Variants in STT3B observed in about 807,000 individuals in gnomAD.
The protein encoded by STT3B is STT3 oligosaccharyltransferase complex catalytic subunit B.
STT3B carries 29 observed loss-of-function variants against 96.8 expected under a neutral mutation model. The observed-to-expected ratio is 0.30, with a 90% CI of 0.22 to 0.41. STT3B has a LOEUF of 0.41. Among genes scored for constraint, STT3B ranks in the 10% least tolerant of loss-of-function variants. The pLI is 1.00. For synonymous variants in STT3B, 367 were observed against 360.0 expected, an observed-to-expected ratio of 1.02 and a Z score of -0.22; for missense variants, 640 against 1,022.3, an observed-to-expected ratio of 0.63 and a Z score of 5.10.
chr3:31,572,037 T>TTAATATATCATATATTAATATATTA (rs369557526), intron 1 of STT3B, among the ~76,000 whole-genome samples: 16 of 40,418 alleles, frequency 4.0e-4, no homozygotes, highest in African/African-American at 7.9e-4. Context: ...TATTAATATA[T>TTAATATATCATATATTAATATATTA]GATATATTAA....
At chr3:31,550,822 TTA>T (rs1193450588) in intron 1 of STT3B, among the ~76,000 whole-genome samples, 2 of 152,100 alleles carry the variant, frequency 1.3e-5, no homozygotes, top group Non-Finnish European at 2.9e-5. Context: ...TGTGTTACTT[TTA>T]ATAGAGTTCA....
chr3:31,604,458 T>C (rs1559383020), intron 5 of STT3B, among the ~76,000 whole-genome samples: 1 of 151,942 alleles, frequency 6.6e-6, no homozygotes, highest in Non-Finnish European at 1.5e-5. Flanking sequence ...AAAAGAAAAG[T>C]TCCCGGATAC....
intron 1 of STT3B, among the ~76,000 whole-genome samples, chr3:31,559,959 T>C (rs1697832003): frequency 6.6e-6 from 1 of 152,146 alleles, no homozygotes; most frequent in Non-Finnish European, 1.5e-5. Flanking sequence ...CTCTTTTTAC[T>C]GTTTTTTGAC....
At chr3:31,554,793 C>T (rs1697663219) in intron 1 of STT3B, among the ~76,000 whole-genome samples, 1 of 152,090 alleles carries the variant, frequency 6.6e-6, no homozygotes, top group Non-Finnish European at 1.5e-5. Flanking sequence ...CCTGCCTTTA[C>T]CTCTATTTTC....
intron 3 of STT3B, among the ~76,000 whole-genome samples, chr3:31,588,665 G>A (rs1698599911): frequency 6.6e-6 from 1 of 151,940 alleles, no homozygotes; most frequent in Non-Finnish European, 1.5e-5. Context: ...TCATGTCTGT[G>A]ATTCATTTTG....
Position 31,562,565 on chromosome 3 carries a change from C to T in STT3B, c.315-13831C>T, listed in dbSNP as rs1001738660. Among the ~76,000 whole-genome samples, 5 of 152,182 alleles carry T rather than the reference C, an allele frequency of 3.3e-5. No homozygotes were observed. In the South Asian group the frequency reaches 8.3e-4, roughly 25 times the overall value. Reference sequence around the variant, plus strand: ...TTGTGGGTGGAATGCTCAGGAGGGGCCAGCAGCAACTGCATTGCAACCCTG... The same window carrying T: ...TTGTGGGTGGAATGCTCAGGAGGGGTCAGCAGCAACTGCATTGCAACCCTG... On this transcript the variant is annotated intron_variant, in intron 1 of 15. Transcript: ENST00000295770.
In STT3B at chr3:31,629,113, A is replaced by C; in HGVS notation, c.2074-185A>C. On this transcript the variant is annotated intron_variant, in intron 13 of 15. Transcript: ENST00000295770. ...AGAACGAGACATTGTCTCAAAAATA[A>C]TAATTATTAAGGCCTTATAACATGG... 1.8e-5 allele frequency: 9 copies of C among 505,038 alleles called. No individual in the cohort carries two copies. The South Asian group carries it at 2.3e-4, about 13-fold the overall frequency. 31.3% of individuals were successfully genotyped at this position (505,038 alleles called of 1,614,324 possible).
Position 31,543,780 on chromosome 3 carries a change from A to G in STT3B, c.314+10468A>G, listed in dbSNP as rs1054096551. Among the ~76,000 whole-genome samples the G allele has an allele frequency of 3.9e-5, 6 of 152,216 alleles. 1 individual carries two copies. Among genetic ancestry groups the G allele is most frequent in the Non-Finnish European group, 8.8e-5 (6 of 68,032 alleles). On this transcript the variant is annotated intron_variant, in intron 1 of 15. Transcript: ENST00000295770. ...TTGGGAGATGAATGGCTGGATGGAT[A>G]ACTTAGGAAGAACTTTGAGGAAGAT...
At chr3:31,557,331 A>T (rs1302666230) in intron 1 of STT3B, among the ~76,000 whole-genome samples, 1 of 152,128 alleles carries the variant, frequency 6.6e-6, no homozygotes, top group Non-Finnish European at 1.5e-5. Context: ...CTTTTTGCTC[A>T]TGGTTGCTTT....
intron 1 of STT3B, among the ~76,000 whole-genome samples, chr3:31,538,413 G>C (rs1420545219): frequency 2.0e-5 from 3 of 152,140 alleles, no homozygotes; most frequent in African/African-American, 4.8e-5. Flanking sequence ...TTGTAAATCA[G>C]TGCATTAGCC....
chr3:31,540,774 T>C (rs1697247585), intron 1 of STT3B, among the ~76,000 whole-genome samples: 1 of 152,196 alleles, frequency 6.6e-6, no homozygotes, highest in South Asian at 2.1e-4. Context: ...AGTGTGATTT[T>C]TCAAAATTCT....
chr3:31,609,651 G>A (rs969362987), intron 5 of STT3B, among the ~76,000 whole-genome samples: 1 of 152,132 alleles, frequency 6.6e-6, no homozygotes, highest in Non-Finnish European at 1.5e-5. Context: ...CTGGAGTGCA[G>A]TGGTGCCATC....
intron 3 of STT3B, among the ~76,000 whole-genome samples, chr3:31,593,241 G>C (rs1051951700): frequency 6.6e-6 from 1 of 152,066 alleles, no homozygotes; most frequent in South Asian, 2.1e-4. Context: ...TTGAACACTT[G>C]ATAATTTTCT....
chr3:31,578,254 C>T (rs1437740274), intron 2 of STT3B, among the ~76,000 whole-genome samples: 1 of 152,096 alleles, frequency 6.6e-6, no homozygotes, highest in Admixed American at 6.6e-5. Flanking sequence ...GGTGAAACCC[C>T]CTCATTTTCA....
chr3:31,584,604 T>C (rs73824194), intron 3 of STT3B, among the ~76,000 whole-genome samples: 2,359 of 152,256 alleles, frequency 0.015, 69 homozygotes, highest in African/African-American at 0.054. Context: ...TATCATTGCT[T>C]TGAAGGATCA....
intron 6 of STT3B, among the ~76,000 whole-genome samples, chr3:31,616,096 G>C (rs1699301373): frequency 6.6e-6 from 1 of 151,844 alleles, no homozygotes; most frequent in South Asian, 2.1e-4. Flanking sequence ...ATTTTAAAAA[G>C]GCAGGGAAAC....
At chr3:31,536,511 G>A (rs1421413848) in intron 1 of STT3B, among the ~76,000 whole-genome samples, 1 of 152,112 alleles carries the variant, frequency 6.6e-6, no homozygotes, top group Non-Finnish European at 1.5e-5. Context: ...TTCTCTGTGA[G>A]CTATTTCTTT....
At chr3:31,615,919 C>G (rs766681095) in intron 6 of STT3B, among the ~76,000 whole-genome samples, 1 of 151,722 alleles carries the variant, frequency 6.6e-6, no homozygotes, top group African/African-American at 2.4e-5. Context: ...ATGTTTTGTA[C>G]TTTTTGAGAA....
At chr3:31,558,516 A>G (rs1018578821) in intron 1 of STT3B, among the ~76,000 whole-genome samples, 1 of 152,216 alleles carries the variant, frequency 6.6e-6, no homozygotes, top group Non-Finnish European at 1.5e-5. Context: ...CTGTCGAATC[A>G]TCCTTGCTTC....
Sources: allele counts gnomAD v4.1 joint callset (sites outside exome capture counted in the v4.1 genomes callset), GRCh38; gene constraint gnomAD v4.1.1; transcripts MANE v1.5; gene names NCBI Gene and HGNC (gene_info 2026-07-23, HGNC 2026-07-21).